Variants in CIRSR observed in about 807,000 individuals in gnomAD.
The protein encoded by CIRSR is corepressor of RBPJ and splicing regulator, also known as CBF1 (RBPJ) interacting corepressor 1.
chr2:174,394,818 G>C, the CIRSR span, among the ~76,000 whole-genome samples: 4 of 152,178 alleles, frequency 2.6e-5, no homozygotes, highest in Non-Finnish European at 5.9e-5. Flanking sequence ...CCTCTCTGTA[G>C]TGGACACAGT....
chr2:174,386,374 G>A, the CIRSR span, among the ~76,000 whole-genome samples: 8 of 152,226 alleles, frequency 5.3e-5, no homozygotes, highest in Admixed American at 3.9e-4. Flanking sequence ...TAGAAACGGG[G>A]TTTCTCCATG....
chr2:174,390,049 A>C, the CIRSR span, among the ~76,000 whole-genome samples: 1 of 152,214 alleles, frequency 6.6e-6, no homozygotes, highest in African/African-American at 2.4e-5. Flanking sequence ...CGGAGCCCCC[A>C]CACAGAGTCC....
chr2:174,395,426 G>C, the CIRSR span: 1 of 916,564 alleles, frequency 1.1e-6, no homozygotes, highest in Non-Finnish European at 1.7e-6. Flanking sequence ...AGACCACCAG[G>C]GCTTTAGGCC....
At chr2:174,378,805 A>C in the CIRSR span, 2 of 788,582 alleles carry the variant, frequency 2.5e-6, no homozygotes, top group African/African-American at 1.7e-5. Flanking sequence ...GTCAAAAACA[A>C]ACAAACAAGC....
chr2:174,395,453 G>A, the CIRSR span: 1 of 1,205,404 alleles, frequency 8.3e-7, no homozygotes, highest in Admixed American at 1.7e-5. Context: ...AGCGGAGGCT[G>A]TCCTAGGGAT....
the CIRSR span, among the ~76,000 whole-genome samples, chr2:174,362,929 G>C: frequency 2.6e-5 from 4 of 152,022 alleles, no homozygotes; most frequent in Admixed American, 2.6e-4. Context: ...AACCATAGTA[G>C]AGCCCCCTTT....
the CIRSR span, among the ~76,000 whole-genome samples, chr2:174,361,447 C>A: frequency 6.6e-6 from 1 of 152,180 alleles, no homozygotes; most frequent in Admixed American, 6.5e-5. Flanking sequence ...GTCTTCCTAG[C>A]AAATATTATG....
the CIRSR span, among the ~76,000 whole-genome samples, chr2:174,349,354 C>A: frequency 6.6e-6 from 1 of 151,954 alleles, no homozygotes; most frequent in Non-Finnish European, 1.5e-5. Context: ...ATCACAAGGT[C>A]AGGAGTTCGA....
At chr2:174,380,255 T>C in the CIRSR span, 1 of 1,585,498 alleles carries the variant, frequency 6.3e-7, no homozygotes, top group Non-Finnish European at 8.6e-7. Context: ...GCATATCTAT[T>C]AAATAGAGGA....
At chr2:174,366,136 C>T in the CIRSR span, among the ~76,000 whole-genome samples, 1 of 151,904 alleles carries the variant, frequency 6.6e-6, no homozygotes, top group South Asian at 2.1e-4. Flanking sequence ...AACCAGTGGG[C>T]TTTAAGATAT....
the CIRSR span, among the ~76,000 whole-genome samples, chr2:174,354,955 C>T: frequency 6.0e-5 from 9 of 150,486 alleles, no homozygotes; most frequent in Non-Finnish European, 1.2e-4. Flanking sequence ...CAAAAAAATG[C>T]TCTTAGTAGT....
the CIRSR span, among the ~76,000 whole-genome samples, chr2:174,382,571 G>T: frequency 3.9e-5 from 6 of 152,074 alleles, no homozygotes; most frequent in Non-Finnish European, 8.8e-5. Context: ...TGTGGGAGGC[G>T]GAGGTTGCAG....
At chr2:174,348,697 C>T in the CIRSR span, 1 of 1,614,100 alleles carries the variant, frequency 6.2e-7, no homozygotes, top group East Asian at 2.2e-5. Context: ...CGGCTCCTTT[C>T]CTCCCTGCCG....
At chr2:174,381,588 T>C in the CIRSR span, 1 of 665,648 alleles carries the variant, frequency 1.5e-6, no homozygotes, top group South Asian at 2.5e-5. Flanking sequence ...AGGAGGTGGA[T>C]GGAGGTTGTA....
chr2:174,370,123 G>A, the CIRSR span: 1,893 of 1,270,306 alleles, frequency 1.5e-3, 38 homozygotes, highest in South Asian at 0.021. Flanking sequence ...GTTCAACGGC[G>A]GGCATAATGG....
chr2:174,393,800 A>C, the CIRSR span, among the ~76,000 whole-genome samples: 1 of 152,148 alleles, frequency 6.6e-6, no homozygotes. Context: ...CATCATCACA[A>C]TCTACACTAT....
At chr2:174,393,596 A>G in the CIRSR span, among the ~76,000 whole-genome samples, 3 of 152,008 alleles carry the variant, frequency 2.0e-5, no homozygotes, top group Admixed American at 6.6e-5. Context: ...TGCTGGAATT[A>G]TAGGTATGAG....
the CIRSR span, chr2:174,395,621 A>G: frequency 6.2e-7 from 1 of 1,614,206 alleles, no homozygotes; most frequent in Non-Finnish European, 8.5e-7. Context: ...GGATTTCCCC[A>G]TCTTGGAACT....
chr2:174,370,132 G>A, the CIRSR span: 1 of 1,247,854 alleles, frequency 8.0e-7, no homozygotes, highest in African/African-American at 1.5e-5. Flanking sequence ...CGGGCATAAT[G>A]GGTGGTTGAG....
Sources: allele counts gnomAD v4.1 joint callset (sites outside exome capture counted in the v4.1 genomes callset), GRCh38; gene constraint gnomAD v4.1.1; transcripts MANE v1.5; gene names NCBI Gene and HGNC (gene_info 2026-07-23, HGNC 2026-07-21).